Variants in CDH13 observed in about 807,000 individuals in gnomAD.
CDH13 encodes the protein cadherin-13.
Under a neutral mutation model 63.8 loss-of-function variants are expected in CDH13, and 24 were observed. That is an observed-to-expected ratio of 0.38 (90% CI 0.27 to 0.53). CDH13 has a LOEUF of 0.53. Ranked by LOEUF, CDH13 falls within the 20% of genes least tolerant of loss-of-function variation. The pLI, the probability that CDH13 is intolerant of heterozygous loss-of-function variation, is 0.85. For missense variants in CDH13, 1,049 were observed against 903.1 expected (o/e 1.16, Z -2.07); for synonymous variants, 503 against 355.3 (o/e 1.42, Z -4.67).
chr16:82,861,533 C>G (rs968052395), intron 2 of CDH13, among the ~76,000 whole-genome samples: 1 of 152,214 alleles, frequency 6.6e-6, no homozygotes, highest in African/African-American at 2.4e-5. Context: ...TTCCTGCTAT[C>G]TTTGTTCAGA....
chr16:82,837,101 G>A (rs570578080), intron 1 of CDH13, among the ~76,000 whole-genome samples: 8 of 152,304 alleles, frequency 5.3e-5, no homozygotes, highest in South Asian at 4.2e-4. Context: ...ATGCAAAAGC[G>A]TCCCTGTATT....
intron 1 of CDH13, among the ~76,000 whole-genome samples, chr16:82,828,102 C>G (rs1189803656): frequency 6.6e-6 from 1 of 152,102 alleles, no homozygotes; most frequent in Non-Finnish European, 1.5e-5. Flanking sequence ...GTCTGATAGG[C>G]TCTGTTGTAT....
intron 10 of CDH13, chr16:83,735,957 T>C (rs997597810): frequency 6.6e-6 from 1 of 152,172 alleles, no homozygotes; most frequent in Non-Finnish European, 1.5e-5. Context: ...ACACACTGAA[T>C]GAAAAGAGTG....
intron 4 of CDH13, among the ~76,000 whole-genome samples, chr16:83,157,348 G>A (rs1037520617): frequency 1.3e-5 from 2 of 152,166 alleles, no homozygotes; most frequent in African/African-American, 4.8e-5. Context: ...CAGGGAATGG[G>A]TGGCTCTAAG....
chr16:83,528,156 C>A (rs1375963562), intron 7 of CDH13, among the ~76,000 whole-genome samples: 3 of 152,180 alleles, frequency 2.0e-5, no homozygotes, highest in African/African-American at 7.2e-5. Context: ...GCAGTGATAA[C>A]TAAACATATT....
chr16:83,233,463 CA>C (rs1374488820), intron 5 of CDH13, among the ~76,000 whole-genome samples: 5 of 152,198 alleles, frequency 3.3e-5, no homozygotes, highest in Non-Finnish European at 7.3e-5. Flanking sequence ...TGGCTTAAAA[CA>C]ACACAATTTT....
intron 6 of CDH13, among the ~76,000 whole-genome samples, chr16:83,374,005 T>C (rs142900556): frequency 2.0e-5 from 3 of 152,276 alleles, no homozygotes; most frequent in Middle Eastern, 3.4e-3. Context: ...CGAAGGTCTT[T>C]CTCTATTCAG....
chr16:82,970,001 G>T (rs939814362), intron 2 of CDH13, among the ~76,000 whole-genome samples: 4 of 150,246 alleles, frequency 2.7e-5, no homozygotes, highest in South Asian at 2.1e-4. Flanking sequence ...GGTTTCTTAC[G>T]TAGGTATACA....
chr16:83,540,023 G>A (rs2075269667), intron 7 of CDH13, among the ~76,000 whole-genome samples: 1 of 151,848 alleles, frequency 6.6e-6, no homozygotes, highest in East Asian at 1.9e-4. Context: ...GTTTGTCCTG[G>A]ACAAGACTGA....
At chr16:83,668,439 C>G (rs745307046) in intron 8 of CDH13, among the ~76,000 whole-genome samples, 4 of 152,248 alleles carry the variant, frequency 2.6e-5, no homozygotes, top group Non-Finnish European at 4.4e-5. Context: ...CTGGACATGA[C>G]AGCGTTTCTA....
chr16:82,939,890 C>T (rs116512293), intron 2 of CDH13, among the ~76,000 whole-genome samples: 11 of 152,200 alleles, frequency 7.2e-5, no homozygotes, highest in African/African-American at 2.4e-4. Flanking sequence ...AAAGACATGC[C>T]CTCGACTGGG....
chr16:82,993,947 C>A (rs147791907), intron 2 of CDH13, among the ~76,000 whole-genome samples: 2 of 152,258 alleles, frequency 1.3e-5, no homozygotes, highest in Non-Finnish European at 2.9e-5. Flanking sequence ...TCCGTTGTTA[C>A]CCCTCCCTGC....
At chr16:83,519,942 T>G (rs1364724994) in intron 7 of CDH13, among the ~76,000 whole-genome samples, 3 of 151,856 alleles carry the variant, frequency 2.0e-5, no homozygotes, top group Admixed American at 2.0e-4. Flanking sequence ...GTTTGAAAAA[T>G]AAATGAAAAA....
chr16:83,338,169 T>A (rs1377430947), intron 5 of CDH13, among the ~76,000 whole-genome samples: 1 of 135,366 alleles, frequency 7.4e-6, no homozygotes, highest in African/African-American at 2.8e-5. Context: ...AAATCAATGT[T>A]AGTCCTCTTC....
At chr16:82,655,816 G>A (rs1203186668) in intron 1 of CDH13, among the ~76,000 whole-genome samples, 1 of 152,178 alleles carries the variant, frequency 6.6e-6, no homozygotes, top group Non-Finnish European at 1.5e-5. Context: ...TGGGGAAACT[G>A]AAGCTTAGAG....
intron 3 of CDH13, among the ~76,000 whole-genome samples, chr16:83,045,515 T>A (rs1917696895): frequency 6.6e-6 from 1 of 151,662 alleles, no homozygotes; most frequent in Admixed American, 6.6e-5. Context: ...CAGGTGCCTG[T>A]AATCCCAGCT....
At chr16:83,111,894 T>C (rs544869024) in intron 3 of CDH13, among the ~76,000 whole-genome samples, 1 of 152,326 alleles carries the variant, frequency 6.6e-6, no homozygotes, top group African/African-American at 2.4e-5. Context: ...CAGTCTTGTT[T>C]TCCTGGATCT....
At chr16:83,111,323 G>T (rs151160710) in intron 3 of CDH13, among the ~76,000 whole-genome samples, 13 of 152,322 alleles carry the variant, frequency 8.5e-5, no homozygotes, top group Middle Eastern at 3.4e-3. Context: ...CCCATGTGCA[G>T]TGAGAATCTA....
At chr16:83,000,848 G>A (rs1912847045) in intron 2 of CDH13, among the ~76,000 whole-genome samples, 1 of 152,084 alleles carries the variant, frequency 6.6e-6, no homozygotes, top group African/African-American at 2.4e-5. Flanking sequence ...CAAGGTTCTG[G>A]GATTACCGGC....
Sources: gnomAD v4.1 joint callset for allele counts (sites outside exome capture counted in the v4.1 genomes callset) on GRCh38, gnomAD v4.1.1 for gene constraint, MANE v1.5 for transcripts, NCBI Gene and HGNC (gene_info 2026-07-23, HGNC 2026-07-21) for gene names.